The following PDZRN4 variants were observed in gnomAD, a reference collection of about 807,000 sequenced individuals.
PDZRN4 encodes the protein PDZ domain containing ring finger 4, also known as PDZ domain-containing RING finger protein 4.
PDZRN4 carries 70 observed loss-of-function variants against 99.0 expected under a neutral mutation model. That is an observed-to-expected ratio of 0.71 (90% CI 0.58 to 0.86). PDZRN4 has a LOEUF of 0.86. Among genes scored for constraint, PDZRN4 ranks in the 40% least tolerant of loss-of-function variants. The probability of loss-of-function intolerance (pLI) is 0.00; values close to 1 mark genes in which losing one functional copy is unlikely to be tolerated. For missense variants in PDZRN4, 1,474 were observed against 1,331.2 expected (o/e 1.11, Z -1.67); for synonymous variants, 551 against 501.6 (o/e 1.10, Z -1.32).
chr12:41,508,098 C>G (rs1938239092), intron 4 of PDZRN4, among the ~76,000 whole-genome samples: 1 of 152,066 alleles, frequency 6.6e-6, no homozygotes, highest in Non-Finnish European at 1.5e-5. Flanking sequence ...TTAGTTCTCA[C>G]AATAATCTTA....
chr12:41,333,086 G>C (rs1592016021), intron 3 of PDZRN4, among the ~76,000 whole-genome samples: 1 of 152,184 alleles, frequency 6.6e-6, no homozygotes, highest in East Asian at 1.9e-4. Context: ...TGACCTCAAA[G>C]CCTGCACCTG....
At chr12:41,236,606 G>C (rs960375788) in intron 3 of PDZRN4, among the ~76,000 whole-genome samples, 3 of 152,140 alleles carry the variant, frequency 2.0e-5, no homozygotes, top group Non-Finnish European at 1.5e-5. Context: ...ATGGGCAATA[G>C]ATAATGAGGA....
At chr12:41,346,411 G>C (rs919563196) in intron 3 of PDZRN4, among the ~76,000 whole-genome samples, 2 of 152,090 alleles carry the variant, frequency 1.3e-5, no homozygotes, top group Non-Finnish European at 2.9e-5. Flanking sequence ...GCAGTGAGCC[G>C]AGATAGCGCC....
intron 3 of PDZRN4, among the ~76,000 whole-genome samples, chr12:41,245,739 G>T (rs1174323038): frequency 1.3e-5 from 2 of 152,178 alleles, no homozygotes; most frequent in Non-Finnish European, 2.9e-5. Context: ...TTCCTATGCT[G>T]AGGAGGAGTC....
intron 3 of PDZRN4, among the ~76,000 whole-genome samples, chr12:41,298,214 A>G (rs1951508544): frequency 6.6e-6 from 1 of 152,198 alleles, no homozygotes; most frequent in South Asian, 2.1e-4. Flanking sequence ...TATATATGTT[A>G]ATATATAGGT....
In PDZRN4 at chr12:41,361,828, T is replaced by A. The variant is rs143451272; in HGVS notation, c.844-144628T>A. On this transcript the variant is annotated intron_variant, in intron 3 of 9. Transcript: ENST00000402685. ...GGGCAACACGTTTCTTCTGTTACTG[T>A]GGAAAGAGGATGAATCTGGCACAGC... 6.4e-4 allele frequency among the ~76,000 whole-genome samples: 97 copies of A among 152,138 alleles called. 2 individuals carry two copies. In the East Asian group the frequency reaches 0.017, roughly 26 times the overall value.
chr12:41,390,508 C>T (rs1952202715), intron 3 of PDZRN4, among the ~76,000 whole-genome samples: 1 of 128,782 alleles, frequency 7.8e-6, no homozygotes, highest in South Asian at 2.6e-4. Context: ...GCCCCATACT[C>T]TCTAAGTAAA....
At chr12:41,286,336 CTTTTTTTTTTT>C (rs71081721) in intron 3 of PDZRN4, among the ~76,000 whole-genome samples, 4 of 106,298 alleles carry the variant, frequency 3.8e-5, no homozygotes, top group Non-Finnish European at 7.3e-5. Flanking sequence ...CCTTCTTCTT[CTTTTTTTTTTT>C]TTTTTTTTTT....
intron 3 of PDZRN4, among the ~76,000 whole-genome samples, chr12:41,216,782 C>T (rs1339678169): frequency 6.6e-6 from 1 of 151,950 alleles, no homozygotes; most frequent in Non-Finnish European, 1.5e-5. Flanking sequence ...ATCTGTCATC[C>T]TTTCTTTTTT....
intron 3 of PDZRN4, among the ~76,000 whole-genome samples, chr12:41,330,786 C>G (rs1951737256): frequency 6.6e-6 from 1 of 151,998 alleles, no homozygotes; most frequent in South Asian, 2.1e-4. Flanking sequence ...GAATAATTAG[C>G]CTTTATTTGC....
At chr12:41,547,514 T>G (rs558353458) in intron 5 of PDZRN4, among the ~76,000 whole-genome samples, 1 of 152,156 alleles carries the variant, frequency 6.6e-6, no homozygotes, top group Admixed American at 6.5e-5. Context: ...TAATCCCAGC[T>G]ACTAAGGAGG....
chr12:41,317,237 CATGGTT>C, intron 3 of PDZRN4, among the ~76,000 whole-genome samples: 1 of 104,616 alleles, frequency 9.6e-6, no homozygotes, highest in East Asian at 3.7e-4. Flanking sequence ...AATGGACTCA[CATGGTT>C]GTGGGGCTGT....
chr12:41,560,320 T>C (rs1308070010), intron 7 of PDZRN4, among the ~76,000 whole-genome samples: 3 of 152,124 alleles, frequency 2.0e-5, no homozygotes, highest in South Asian at 2.1e-4. Flanking sequence ...AGAAAAGCTA[T>C]ATTACATCTC....
chr12:41,354,682 G>A (rs1951914310), intron 3 of PDZRN4, among the ~76,000 whole-genome samples: 1 of 151,976 alleles, frequency 6.6e-6, no homozygotes, highest in Non-Finnish European at 1.5e-5. Context: ...GCTATCATAA[G>A]AAGCAGAAAA....
Position 41,484,956 on chromosome 12 carries a change from C to T in PDZRN4, c.844-21500C>T, listed in dbSNP as rs1296905009. Among the ~76,000 whole-genome samples the T allele has an allele frequency of 1.4e-4, 21 of 152,088 alleles. 1 individual carries two copies. Among genetic ancestry groups the T allele is most frequent in the Admixed American group, 1.4e-3 (21 of 15,258 alleles). On this transcript the variant is annotated intron_variant, in intron 3 of 9. Coordinates refer to ENST00000402685, the MANE Select transcript of PDZRN4 (RefSeq NM_001164595.2). ...TCTGGCTGTCCAAGGCTGGTCCTTA[C>T]CATGTTTCCTGGGTCTGACTCCCTA... is the stretch of plus-strand genomic sequence containing the variant.
At chr12:41,355,780 C>T (rs1191760263) in intron 3 of PDZRN4, among the ~76,000 whole-genome samples, 1 of 151,950 alleles carries the variant, frequency 6.6e-6, no homozygotes, top group Non-Finnish European at 1.5e-5. Flanking sequence ...GAGAATTAAA[C>T]TTTTGTTTCA....
At chr12:41,385,353 A>G (rs1328219763) in intron 3 of PDZRN4, among the ~76,000 whole-genome samples, 1 of 152,192 alleles carries the variant, frequency 6.6e-6, no homozygotes, top group African/African-American at 2.4e-5. Flanking sequence ...AGCCAAAGCG[A>G]AGTAAAATGG....
At chr12:41,523,270 C>T (rs919516891) in intron 5 of PDZRN4, among the ~76,000 whole-genome samples, 1 of 151,990 alleles carries the variant, frequency 6.6e-6, no homozygotes, top group Admixed American at 6.6e-5. Flanking sequence ...AAAATGGCTG[C>T]CAGTTTTCCC....
intron 3 of PDZRN4, among the ~76,000 whole-genome samples, chr12:41,501,831 G>A (rs990949283): frequency 2.6e-5 from 4 of 152,056 alleles, no homozygotes; most frequent in Admixed American, 1.3e-4. Context: ...GCAGGGATGA[G>A]GCGAAGACCT....
Sources: allele counts gnomAD v4.1 joint callset (sites outside exome capture counted in the v4.1 genomes callset), GRCh38; gene constraint gnomAD v4.1.1; transcripts MANE v1.5; gene names NCBI Gene and HGNC (gene_info 2026-07-23, HGNC 2026-07-21).